Variants in EXOC5 observed in about 807,000 individuals in gnomAD.
EXOC5 encodes exocyst complex component 5, also known as SEC10-like 1.
Under a neutral mutation model 90.8 loss-of-function variants are expected in EXOC5, and 17 were observed. The observed-to-expected ratio is 0.19, with a 90% CI of 0.13 to 0.28. The LOEUF (loss-of-function observed/expected upper bound fraction) is 0.28. Ranked by LOEUF, EXOC5 falls within the 10% of genes least tolerant of loss-of-function variation. The probability of loss-of-function intolerance (pLI) is 1.00; values close to 1 mark genes in which losing one functional copy is unlikely to be tolerated. For missense variants in EXOC5, 569 were observed against 830.6 expected (o/e 0.69, Z 3.87); for synonymous variants, 260 against 270.0 (o/e 0.96, Z 0.36).
At chr14:57,233,658 T>C in intron 9 of EXOC5, 85 bp downstream of exon 9, 2 of 847,714 alleles carry the variant, frequency 2.4e-6, no homozygotes, top group Non-Finnish European at 3.6e-6. Flanking sequence ...ATAAGTAAAC[T>C]AAATTTTAAA....
In EXOC5 at chr14:57,228,636, T is replaced by C. The variant is rs575749941; in HGVS notation, c.1296+1098A>G. On this transcript the variant is annotated intron_variant, in intron 12 of 17. Transcript: ENST00000621441. ...ATCAAACACCACATGTTCTCACTCA[T>C]TAAGTGGGAGTTGAACAATGAGAAC... 6.0e-5 allele frequency among the ~76,000 whole-genome samples: 9 copies of C among 151,054 alleles called. No homozygotes were observed. In the South Asian group the frequency reaches 1.3e-3, roughly 21 times the overall value.
intron 7 of EXOC5, among the ~76,000 whole-genome samples, chr14:57,234,510 CGTGTGTGTGT>C (rs375548706): frequency 4.6e-5 from 6 of 130,628 alleles, no homozygotes; most frequent in African/African-American, 1.4e-4. Context: ...TGTATATATA[CGTGTGTGTGT>C]GTGTGTGTGT....
intron 1 of EXOC5, among the ~76,000 whole-genome samples, chr14:57,260,269 G>C (rs1455346019): frequency 6.6e-6 from 1 of 151,942 alleles, no homozygotes; most frequent in Non-Finnish European, 1.5e-5. Context: ...GGATTTCAAA[G>C]GTAGTATGAA....
chr14:57,250,302 G>A (rs1031770933), intron 1 of EXOC5, among the ~76,000 whole-genome samples: 1 of 152,106 alleles, frequency 6.6e-6, no homozygotes, highest in Non-Finnish European at 1.5e-5. Flanking sequence ...TGAGACTCCA[G>A]AGTTTATACC....
intron 1 of EXOC5, among the ~76,000 whole-genome samples, chr14:57,252,834 CCAT>C (rs1246252091): frequency 2.0e-5 from 3 of 152,104 alleles, no homozygotes; most frequent in African/African-American, 7.2e-5. Context: ...ATCTGCACCA[CCAT>C]GTTTACTGCA....
rs1471696744 is a variant in EXOC5 at position 57,244,323 on chromosome 14, T to C, written c.307A>G (p.Ile103Val). ...FQHFQELDEHISYVATKVCHL... is the reference protein window; with the variant it reads ...FQHFQELDEHVSYVATKVCHL... ...CAGACTTTAGTTGCTACATAGCTAA[T>C]GTGCTCATCTAGTTCTTGGAAATGT... Residue 103 changes from isoleucine (I) to valine (V), a missense_variant, in exon 4 of 18, where the codon ATT becomes GTT. Ile to Val is a conservative substitution (Grantham distance 29). Transcript: ENST00000621441. 2 of 1,613,776 alleles carry C rather than the reference T, an allele frequency of 1.2e-6. No homozygotes were observed. Among genetic ancestry groups the C allele is most frequent in the Admixed American group, 1.7e-5 (1 of 59,994 alleles).
intron 12 of EXOC5, among the ~76,000 whole-genome samples, chr14:57,225,056 C>T (rs974905679): frequency 1.3e-5 from 2 of 151,174 alleles, no homozygotes; most frequent in Admixed American, 6.6e-5. Flanking sequence ...AGTGAGACTC[C>T]GTCTCCAAAA....
intron 15 of EXOC5, among the ~76,000 whole-genome samples, chr14:57,217,017 A>G (rs895728158): frequency 6.6e-6 from 1 of 152,218 alleles, no homozygotes; most frequent in Non-Finnish European, 1.5e-5. Flanking sequence ...GTATATGAAA[A>G]GGTGCTCAAC....
At position 57,268,649 on chromosome 14, in the gene EXOC5, C is replaced by T; in HGVS notation, c.-1G>A. 2 of 1,589,182 alleles carry T rather than the reference C, an allele frequency of 1.3e-6. No homozygotes were observed. Among genetic ancestry groups the T allele is most frequent in the Non-Finnish European group, 1.7e-6 (2 of 1,174,458 alleles). ...CGAAGAGCTCGGCCGTGGTAGCCAT[C>T]CCGGCCGGCTGAGAGGCTCGCCCCC... On this transcript the variant is annotated 5_prime_UTR_variant, in exon 1 of 18. Coordinates refer to ENST00000621441, the MANE Select transcript of EXOC5 (RefSeq NM_006544.4).
chr14:57,214,535 C>A (rs1207830331), intron 15 of EXOC5, among the ~76,000 whole-genome samples: 1 of 152,088 alleles, frequency 6.6e-6, no homozygotes, highest in African/African-American at 2.4e-5. Flanking sequence ...AGGAGCAACA[C>A]TGAGTCTCAC....
intron 1 of EXOC5, among the ~76,000 whole-genome samples, chr14:57,258,636 T>C (rs1884415621): frequency 6.6e-6 from 1 of 152,208 alleles, no homozygotes; most frequent in Non-Finnish European, 1.5e-5. Flanking sequence ...CCATGGCATG[T>C]GTATACCTAC....
At chr14:57,264,937 T>C (rs1350741999) in intron 1 of EXOC5, among the ~76,000 whole-genome samples, 1 of 152,172 alleles carries the variant, frequency 6.6e-6, no homozygotes, top group African/African-American at 2.4e-5. Flanking sequence ...TTCCAAAATA[T>C]GTACCTTGTA....
intron 3 of EXOC5, 116 bp from the exon 4 acceptor site, chr14:57,244,475 C>T (rs147007895): frequency 5.3e-6 from 4 of 760,108 alleles, no homozygotes; most frequent in Admixed American, 2.6e-5. Context: ...AGATGATCTA[C>T]AAAATTCATG....
chr14:57,213,444 G>A (rs572878992), intron 15 of EXOC5, among the ~76,000 whole-genome samples: 1 of 151,674 alleles, frequency 6.6e-6, no homozygotes, highest in South Asian at 2.1e-4. Context: ...TTCTGCTCCT[G>A]TTACCCAGTC....
Position 57,201,460 on chromosome 14 carries a change from GCGTGTATATGTACACACA to G in EXOC5, c.*7131_*7148del, listed in dbSNP as rs1566720449. On this transcript the variant is annotated 3_prime_UTR_variant, in exon 18 of 18. Coordinates refer to ENST00000621441, the MANE Select transcript of EXOC5 (RefSeq NM_006544.4). ...CACACACGTGTGTATATATACACAC[GCGTGTATATGTACACACA>G]CGTGTATAAACACACGTGTATATAC... 3.5e-5 allele frequency: 5 copies of G among 141,190 alleles called. No individual in the cohort carries two copies. The South Asian group carries it at 8.6e-4, about 24-fold the overall frequency. The allele number at this position is 141,190 out of a possible 1,614,324, so 8.7% of individuals were successfully genotyped here.
intron 1 of EXOC5, among the ~76,000 whole-genome samples, chr14:57,249,261 C>T (rs1851981101): frequency 6.6e-6 from 1 of 152,072 alleles, no homozygotes; most frequent in Non-Finnish European, 1.5e-5. Flanking sequence ...CAAAAATCTA[C>T]AGTACTTCCA....
intron 15 of EXOC5, among the ~76,000 whole-genome samples, 195 bp downstream of exon 15, chr14:57,217,787 A>C (rs1392346686): frequency 6.6e-6 from 1 of 152,178 alleles, no homozygotes; most frequent in Non-Finnish European, 1.5e-5. Flanking sequence ...AAGATAGTCC[A>C]AAGTAAAAAA....
Position 57,268,667 on chromosome 14 carries a change from T to C in EXOC5, c.-19A>G. 6.3e-7 allele frequency: 1 copy of C among 1,580,036 alleles called. No individual in the cohort carries two copies. The highest frequency in any genetic ancestry group is 8.5e-7 in the Non-Finnish European group (1 of 1,171,444). The stretch of plus-strand genomic sequence containing the variant: ...TAGCCATCCCGGCCGGCTGAGAGGC[T>C]CGCCCCCCACTGGATGCCGTCTCCG... On this transcript the variant is annotated 5_prime_UTR_variant, in exon 1 of 18. Coordinates refer to ENST00000621441, the MANE Select transcript of EXOC5 (RefSeq NM_006544.4).
chr14:57,215,672 G>A (rs1356638603), intron 15 of EXOC5, among the ~76,000 whole-genome samples: 1 of 151,734 alleles, frequency 6.6e-6, no homozygotes, highest in Non-Finnish European at 1.5e-5. Flanking sequence ...TATACCTAAA[G>A]ATAATAAAGA....
Sources: gnomAD v4.1 joint callset for allele counts (sites outside exome capture counted in the v4.1 genomes callset) on GRCh38, gnomAD v4.1.1 for gene constraint, MANE v1.5 for transcripts, NCBI Gene and HGNC (gene_info 2026-07-23, HGNC 2026-07-21) for gene names.